ABLIM1: variants seen among roughly 807,000 people sequenced by gnomAD.
ABLIM1 encodes actin-binding LIM protein 1.
ABLIM1 carries 40 observed loss-of-function variants against 107.0 expected under a neutral mutation model. That is an observed-to-expected ratio of 0.37 (90% confidence interval 0.29 to 0.49). ABLIM1 has a LOEUF of 0.49. Among genes scored for constraint, ABLIM1 ranks in the 20% least tolerant of loss-of-function variants. The pLI, the probability that ABLIM1 is intolerant of heterozygous loss-of-function variation, is 0.97. For synonymous variants in ABLIM1, 357 were observed against 357.3 expected, an observed-to-expected ratio of 1.00 and a Z score of 0.01; for missense variants, 857 against 1,008.5, an observed-to-expected ratio of 0.85 and a Z score of 2.04.
chr10:114,643,579 C>CTT lies in ABLIM1; in HGVS notation c.244+14376_244+14377dup, dbSNP rs34191046. ...ACTTTTTACTGATTATATCCAGATT[C>CTT]TTTTTTTTTTTTTTTTGAGATAGTG... On this transcript the variant is annotated intron_variant, in intron 1 of 22. Coordinates refer to ENST00000533213, the MANE Select transcript of ABLIM1 (RefSeq NM_002313.7). 6.5e-3 allele frequency among the ~76,000 whole-genome samples: 895 copies of CTT among 136,720 alleles called. 12 individuals are homozygous for CTT. Among genetic ancestry groups the CTT allele is most frequent in the South Asian group, 0.035 (146 of 4,202 alleles). The allele number at this position is 136,720 out of a possible 152,430, so 89.7% of individuals were successfully genotyped here.
chr10:114,566,041 T>C (rs1022886867), intron 4 of ABLIM1, among the ~76,000 whole-genome samples: 4 of 152,092 alleles, frequency 2.6e-5, no homozygotes, highest in African/African-American at 7.2e-5. Context: ...GTGATCCGCC[T>C]GCCTCGGCCT....
At chr10:114,667,687 G>A (rs60793754) in intron 1 of ABLIM1, among the ~76,000 whole-genome samples, 2,605 of 152,236 alleles carry the variant, frequency 0.017, 70 homozygotes, top group African/African-American at 0.06. Context: ...GTCAATCCCT[G>A]CCCTCACACC....
chr10:114,718,032 A>AAG (rs753398691), intron 1 of ABLIM1, among the ~76,000 whole-genome samples: 81 of 92,898 alleles, frequency 8.7e-4, no homozygotes, highest in Non-Finnish European at 1.0e-3. Context: ...GGAAGGAAGG[A>AAG]GAAAGAGAAA....
intron 2 of ABLIM1, among the ~76,000 whole-genome samples, chr10:114,590,394 G>C (rs547765809): frequency 6.6e-6 from 1 of 152,284 alleles, no homozygotes; most frequent in Admixed American, 6.5e-5. Context: ...CCATTAATCA[G>C]CGTCTGGGTC....
chr10:114,495,522 G>T (rs1226618417), intron 6 of ABLIM1, among the ~76,000 whole-genome samples: 2 of 151,992 alleles, frequency 1.3e-5, no homozygotes, highest in Non-Finnish European at 2.9e-5. Flanking sequence ...TGAAGGTGAT[G>T]GTAATGATGG....
At chr10:114,704,302 C>CTCTCTCTCTCTCTCTATATATATATA (rs1380460034) in intron 1 of ABLIM1, among the ~76,000 whole-genome samples, 3 of 43,088 alleles carry the variant, frequency 7.0e-5, no homozygotes, top group African/African-American at 8.3e-5. Context: ...CTCTCTCTCT[C>CTCTCTCTCTCTCTCTATATATATATA]TATATATATA....
chr10:114,431,730 A>G lies in ABLIM1; in HGVS notation c.*4530T>C, dbSNP rs2058878334. On this transcript the variant is annotated 3_prime_UTR_variant, in exon 23 of 23. Coordinates refer to ENST00000533213, the MANE Select transcript of ABLIM1 (RefSeq NM_002313.7). ...CACTCTTAGGAGAAACACTTTTGGGAATAATTTTATTGAATAACAACCACC... is the reference window on the plus strand; with the variant it reads ...CACTCTTAGGAGAAACACTTTTGGGGATAATTTTATTGAATAACAACCACC... The G allele has an allele frequency of 6.6e-6, 1 of 152,208 alleles. No individual in the cohort carries two copies. Among genetic ancestry groups the G allele is most frequent in the Non-Finnish European group, 1.5e-5 (1 of 68,044 alleles). 9.4% of individuals were successfully genotyped at this position (152,208 alleles called of 1,614,324 possible). A position where few individuals can be genotyped will look rare whatever the true frequency, so the allele number is the denominator to read the frequency against.
At chr10:114,770,405 C>T (rs577469322), upstream of ABLIM1, among the ~76,000 whole-genome samples, 7 of 152,274 alleles carry the variant, frequency 4.6e-5, no homozygotes, top group South Asian at 1.2e-3. Flanking sequence ...CTAGCTACTC[C>T]CTACTCAAAC....
intron 14 of ABLIM1, among the ~76,000 whole-genome samples, chr10:114,450,606 T>G (rs2061722240): frequency 6.8e-6 from 1 of 146,316 alleles, no homozygotes; most frequent in Non-Finnish European, 1.5e-5. Flanking sequence ...CAGCTAACTT[T>G]TTTGGTATTT....
intron 6 of ABLIM1, among the ~76,000 whole-genome samples, chr10:114,523,602 C>A (rs2064126544): frequency 6.6e-6 from 1 of 152,162 alleles, no homozygotes; most frequent in South Asian, 2.1e-4. Context: ...CCAAATTCTA[C>A]AACCCACAGA....
upstream of ABLIM1, among the ~76,000 whole-genome samples, chr10:114,685,976 G>A (rs1004588729): frequency 5.9e-5 from 9 of 152,164 alleles, no homozygotes; most frequent in Non-Finnish European, 1.2e-4. Flanking sequence ...AAGAAACCAA[G>A]TACAGAGCTA....
At chr10:114,442,446 T>A (rs2060329486) in intron 17 of ABLIM1, among the ~76,000 whole-genome samples, 1 of 152,180 alleles carries the variant, frequency 6.6e-6, no homozygotes, top group Non-Finnish European at 1.5e-5. Flanking sequence ...CCGGACATGG[T>A]GTTTAATCTT....
chr10:114,631,766 C>T, intron 1 of ABLIM1: 1 of 912,784 alleles, frequency 1.1e-6, no homozygotes, highest in Non-Finnish European at 1.4e-6. Context: ...GAAACCCAGA[C>T]TTCACAATAC....
In ABLIM1 at chr10:114,433,306, C is replaced by G. The variant is rs1308222076; in HGVS notation, c.*2954G>C. The G allele has an allele frequency of 6.6e-6, 1 of 152,194 alleles. No individual in the cohort carries two copies. Among genetic ancestry groups the G allele is most frequent in the East Asian group, 1.9e-4 (1 of 5,190 alleles). 9.4% of individuals were successfully genotyped at this position (152,194 alleles called of 1,614,324 possible). ...ACATTTTGAGGACAAGCATGCTGAG[C>G]CCAGTTTAACTAAATGTGCAGGCAT... On this transcript the variant is annotated 3_prime_UTR_variant, in exon 23 of 23. Transcript: ENST00000533213.
chr10:114,648,629 T>G (rs536350730), intron 1 of ABLIM1, among the ~76,000 whole-genome samples: 1 of 152,362 alleles, frequency 6.6e-6, no homozygotes, highest in South Asian at 2.1e-4. Context: ...ACTTCGTGGT[T>G]CTACTAAAAT....
At chr10:114,621,470 A>G (rs2077460033) in intron 1 of ABLIM1, among the ~76,000 whole-genome samples, 1 of 152,236 alleles carries the variant, frequency 6.6e-6, no homozygotes, top group Non-Finnish European at 1.5e-5. Context: ...TTCATTCAAC[A>G]TTCACTGAGT....
At chr10:114,661,506 C>T (rs1311129784), upstream of ABLIM1, among the ~76,000 whole-genome samples, 3 of 152,198 alleles carry the variant, frequency 2.0e-5, no homozygotes, top group African/African-American at 4.8e-5. Flanking sequence ...CAGGAAAGCA[C>T]AGTTGGGGAA....
intron 1 of ABLIM1, among the ~76,000 whole-genome samples, chr10:114,640,225 GTGAAA>G (rs2078676647): frequency 6.6e-6 from 1 of 152,210 alleles, no homozygotes; most frequent in Non-Finnish European, 1.5e-5. Context: ...GTATCAAGAA[GTGAAA>G]TGAAAACAGT....
intron 12 of ABLIM1, among the ~76,000 whole-genome samples, chr10:114,455,592 A>C (rs1328128606): frequency 6.6e-6 from 1 of 152,166 alleles, no homozygotes. Flanking sequence ...ATTTGTCATC[A>C]TCAGTGCTCA....
Sources: allele counts gnomAD v4.1 joint callset (sites outside exome capture counted in the v4.1 genomes callset), GRCh38; gene constraint gnomAD v4.1.1; transcripts MANE v1.5; gene names NCBI Gene and HGNC (gene_info 2026-07-23, HGNC 2026-07-21).